Variants in ERBB4 observed in about 807,000 individuals in gnomAD.
ERBB4 encodes the protein receptor tyrosine-protein kinase erbB-4.
A neutral mutation model predicts 158.0 loss-of-function variants in ERBB4; 42 were observed. The observed-to-expected ratio is 0.27, with a 90% CI of 0.21 to 0.34. ERBB4 has a LOEUF of 0.34. Ranked by LOEUF, ERBB4 falls within the 10% of genes least tolerant of loss-of-function variation. The pLI, the probability that ERBB4 is intolerant of heterozygous loss-of-function variation, is 1.00. For missense variants in ERBB4, 1,333 were observed against 1,624.1 expected, an observed-to-expected ratio of 0.82 and a Z score of 3.08; for synonymous variants, 583 against 558.7, an observed-to-expected ratio of 1.04 and a Z score of -0.61.
chr2:212,312,168 A>G (rs765246846), intron 1 of ERBB4, among the ~76,000 whole-genome samples: 8 of 150,952 alleles, frequency 5.3e-5, no homozygotes, highest in Non-Finnish European at 1.2e-4. Context: ...AGCAAATGAA[A>G]TGACTTTCCC....
At chr2:212,184,202 A>G (rs1461877210) in intron 1 of ERBB4, among the ~76,000 whole-genome samples, 1 of 152,028 alleles carries the variant, frequency 6.6e-6, no homozygotes, top group Non-Finnish European at 1.5e-5. Context: ...GCTAATTCCC[A>G]TTTTCAAAAC....
intron 3 of ERBB4, among the ~76,000 whole-genome samples, chr2:211,910,548 G>C (rs1477749951): frequency 6.6e-6 from 1 of 151,674 alleles, no homozygotes; most frequent in Non-Finnish European, 1.5e-5. Flanking sequence ...CACATAGAGA[G>C]GAATAATACA....
chr2:212,269,590 G>A (rs532106350), intron 1 of ERBB4, among the ~76,000 whole-genome samples: 4 of 151,768 alleles, frequency 2.6e-5, no homozygotes, highest in African/African-American at 7.3e-5. Flanking sequence ...ATGTAATAAG[G>A]TTAAATACTT....
At chr2:211,566,002 T>C (rs2067534253) in intron 19 of ERBB4, among the ~76,000 whole-genome samples, 1 of 152,188 alleles carries the variant, frequency 6.6e-6, no homozygotes, top group African/African-American at 2.4e-5. Flanking sequence ...GAGACCAGTT[T>C]CTATGCTTTC....
At chr2:211,952,668 C>T (rs1315383909) in intron 2 of ERBB4, among the ~76,000 whole-genome samples, 1 of 152,044 alleles carries the variant, frequency 6.6e-6, no homozygotes, top group Admixed American at 6.6e-5. Context: ...AGCTTTGTGG[C>T]TTTCATCAGG....
Position 211,567,048 on chromosome 2 carries a change from G to A in ERBB4, c.2302-4960C>T, listed in dbSNP as rs1412009119. Among the ~76,000 whole-genome samples the A allele has an allele frequency of 3.9e-5, 6 of 152,276 alleles. No individual in the cohort carries two copies. In the Middle Eastern group the frequency reaches 0.014, roughly 345 times the overall value. The stretch of plus-strand genomic sequence containing the variant: ...CGAATGTGTGCTTCTATAATCCATT[G>A]CAAAAGCAATAACATCTAATAATTA... On this transcript the variant is annotated intron_variant, in intron 19 of 27. Coordinates refer to ENST00000342788, the MANE Select transcript of ERBB4 (RefSeq NM_005235.3).
intron 15 of ERBB4, among the ~76,000 whole-genome samples, chr2:211,661,474 A>G (rs1428352765): frequency 6.6e-6 from 1 of 152,220 alleles, no homozygotes; most frequent in Non-Finnish European, 1.5e-5. Context: ...AACAAATTCC[A>G]AAACAATATC....
At chr2:211,410,873 C>A (rs914703823) in intron 25 of ERBB4, among the ~76,000 whole-genome samples, 2 of 151,972 alleles carry the variant, frequency 1.3e-5, no homozygotes, top group African/African-American at 4.8e-5. Flanking sequence ...AGAACAATAA[C>A]AATTTGTAAA....
intron 20 of ERBB4, among the ~76,000 whole-genome samples, chr2:211,496,950 A>C (rs145592025): frequency 6.6e-6 from 1 of 151,896 alleles, no homozygotes; most frequent in Non-Finnish European, 1.5e-5. Context: ...CTTTTTTCCT[A>C]TATGTTTATG....
At position 212,515,701 on chromosome 2, in the gene ERBB4, A is replaced by G. The variant is rs181388495; in HGVS notation, c.82+22748T>C. 4.0e-3 allele frequency among the ~76,000 whole-genome samples: 602 copies of G among 152,086 alleles called. 3 individuals are homozygous for G. The highest frequency in any genetic ancestry group is 6.2e-3 in the Non-Finnish European group (418 of 67,882). ...TTCACCTAAGAAAACTTAAATTTTA[A>G]AAAAACAAAAAAAATTTTGAAATCA... is the stretch of plus-strand genomic sequence containing the variant. On this transcript the variant is annotated intron_variant, in intron 1 of 27. Coordinates refer to ENST00000342788, the MANE Select transcript of ERBB4 (RefSeq NM_005235.3).
intron 3 of ERBB4, among the ~76,000 whole-genome samples, chr2:211,941,662 G>A (rs2080500651): frequency 6.7e-6 from 1 of 149,516 alleles, no homozygotes; most frequent in African/African-American, 2.5e-5. Context: ...CTCATCACCA[G>A]AGAAACAGAT....
chr2:211,948,368 G>A (rs746674173), intron 2 of ERBB4, among the ~76,000 whole-genome samples: 21 of 149,630 alleles, frequency 1.4e-4, no homozygotes, highest in Non-Finnish European at 2.1e-4. Flanking sequence ...CCCAGGAGGC[G>A]GAGGCTGCAG....
At chr2:212,236,813 T>A (rs1007183210) in intron 1 of ERBB4, among the ~76,000 whole-genome samples, 23 of 152,210 alleles carry the variant, frequency 1.5e-4, no homozygotes, top group African/African-American at 5.5e-4. Flanking sequence ...AGTGGTGATA[T>A]CTCCTTTATC....
At chr2:211,785,575 C>T (rs1008314300) in intron 4 of ERBB4, among the ~76,000 whole-genome samples, 5 of 152,016 alleles carry the variant, frequency 3.3e-5, no homozygotes, top group African/African-American at 1.2e-4. Context: ...GTCTGTAATT[C>T]GCTTTTGAGT....
rs1452281284 is a variant in ERBB4, at chr2:211,725,182, A to C, written c.635T>G (p.Val212Gly). 2.5e-6 allele frequency: 4 copies of C among 1,613,482 alleles called. No individual in the cohort carries two copies. Among genetic ancestry groups the C allele is most frequent in the Non-Finnish European group, 3.4e-6 (4 of 1,179,478 alleles). The stretch of plus-strand genomic sequence containing the variant: ...TCTGCCGTCACATTGTTCTGCACAC[A>C]CCGTCCTTGTCACTGCAGAAGACAG... ...ENHCQTLTRT[V>G]CAEQCDGRCY... is the part of the protein sequence containing the mutation. Residue 212 changes from valine to glycine, a missense_variant, in exon 6 of 28, where the codon GTG (valine) becomes GGG (glycine). Coordinates refer to ENST00000342788, the MANE Select transcript of ERBB4 (RefSeq NM_005235.3).
chr2:211,678,333 A>C (rs2072182263), intron 13 of ERBB4, among the ~76,000 whole-genome samples: 1 of 145,430 alleles, frequency 6.9e-6, no homozygotes, highest in African/African-American at 2.5e-5. Context: ...AAAAAAAAAC[A>C]AGAAAACTTG....
At chr2:211,687,160 C>T (rs2072592135) in intron 12 of ERBB4, among the ~76,000 whole-genome samples, 1 of 150,672 alleles carries the variant, frequency 6.6e-6, no homozygotes, top group Non-Finnish European at 1.5e-5. Flanking sequence ...AAAAAGTTAG[C>T]CAGGCGTGGT....
chr2:211,623,754 TA>T (rs929731414), intron 18 of ERBB4, among the ~76,000 whole-genome samples, 167 bp downstream of exon 18: 3 of 152,204 alleles, frequency 2.0e-5, no homozygotes, highest in African/African-American at 7.2e-5. Flanking sequence ...GCTCATTCAA[TA>T]AAAATTAATG....
chr2:212,457,380 A>G (rs1688348417), intron 1 of ERBB4, among the ~76,000 whole-genome samples: 2 of 152,022 alleles, frequency 1.3e-5, no homozygotes, highest in African/African-American at 4.8e-5. Flanking sequence ...TATCTTTCAG[A>G]TATTTCCAAC....
Sources: gnomAD v4.1 joint callset for allele counts (sites outside exome capture counted in the v4.1 genomes callset) on GRCh38, gnomAD v4.1.1 for gene constraint, MANE v1.5 for transcripts, NCBI Gene and HGNC (gene_info 2026-07-23, HGNC 2026-07-21) for gene names.